The following NSUN2 variants were observed in gnomAD, a reference collection of about 807,000 sequenced individuals.
The protein encoded by NSUN2 is NOP2/Sun RNA methyltransferase 2.
Under a neutral mutation model 92.7 loss-of-function variants are expected in NSUN2, and 63 were observed. That is an observed-to-expected ratio of 0.68 (90% confidence interval 0.56 to 0.84). The LOEUF (loss-of-function observed/expected upper bound fraction) is 0.84. NSUN2 is among the 40% of genes least tolerant of loss of function. The pLI is 0.00. For missense variants in NSUN2, 989 were observed against 964.9 expected (o/e 1.02, Z -0.33); for synonymous variants, 356 against 348.3 (o/e 1.02, Z -0.25).
chr5:6,606,934 G>C (rs750468785), intron 13 of NSUN2, 22 bp from the exon 14 acceptor site: 2 of 1,385,646 alleles, frequency 1.4e-6, no homozygotes, highest in Non-Finnish European at 2.0e-6. Context: ...ATCAGGATGA[G>C]ACAAATCAAT....
chr5:6,599,523 T>G lies in NSUN2; in HGVS notation c.*403A>C, dbSNP rs1736455201. ...GCTTATAACACACTTCCCCAAGAAT[T>G]TATAGATTCTTTCTATAAATAATAA... is the stretch of plus-strand genomic sequence containing the variant. On this transcript the variant is annotated 3_prime_UTR_variant, in exon 19 of 19. Coordinates refer to ENST00000264670, the MANE Select transcript of NSUN2 (RefSeq NM_017755.6). The G allele has an allele frequency of 6.2e-6, 1 of 160,566 alleles. No individual in the cohort carries two copies. Among genetic ancestry groups the G allele is most frequent in the African/African-American group, 2.4e-5 (1 of 41,570 alleles). 9.9% of individuals were successfully genotyped at this position (160,566 alleles called of 1,614,324 possible). A position where few individuals can be genotyped will look rare whatever the true frequency, so the allele number is the denominator to read the frequency against.
chr5:6,604,250 A>T lies in NSUN2; in HGVS notation c.1845T>A (p.Ile615=), dbSNP rs1251137807. ...QEGIYTLYPF[I]NSRIITVSME... is the part of the protein sequence containing the mutation. The stretch of plus-strand genomic sequence containing the variant: ...TTGATACAGTAATAATTCTTGAGTT[A>T]ATAAATGGATACAATGTATATATTC... The change falls in exon 17 of 19, where the codon ATT becomes ATA. Residue 615 remains isoleucine (I), a synonymous_variant. Transcript: ENST00000264670. 1.0e-5 allele frequency: 16 copies of T among 1,599,360 alleles called. No individual in the cohort carries two copies. The highest frequency in any genetic ancestry group is 1.7e-5 in the Admixed American group (1 of 59,862).
intron 14 of NSUN2, among the ~76,000 whole-genome samples, chr5:6,606,581 G>C (rs1324359759): frequency 6.6e-6 from 1 of 151,742 alleles, no homozygotes; most frequent in African/African-American, 2.4e-5. Flanking sequence ...CACCGCGCCC[G>C]GTCCAGTTTT....
At chr5:6,620,342 TG>T (rs1737386487) in intron 6 of NSUN2, 44 bp from the exon 7 acceptor site, 2 of 1,454,564 alleles carry the variant, frequency 1.4e-6, no homozygotes, top group Non-Finnish European at 1.8e-6. Flanking sequence ...GGAGCCTAAG[TG>T]GAATCACATC....
chr5:6,627,629 T>C (rs1399678160), intron 3 of NSUN2, among the ~76,000 whole-genome samples: 1 of 152,222 alleles, frequency 6.6e-6, no homozygotes, highest in Non-Finnish European at 1.5e-5. Context: ...GTTGATCTCA[T>C]GTAAAGAAAC....
chr5:6,620,950 G>C (rs1579373148), intron 6 of NSUN2: 1 of 152,208 alleles, frequency 6.6e-6, no homozygotes, highest in South Asian at 2.1e-4. Context: ...CTGCCAATGT[G>C]GAGAAAACAA....
chr5:6,630,951 G>A (rs922358172), intron 3 of NSUN2, among the ~76,000 whole-genome samples: 2 of 152,058 alleles, frequency 1.3e-5, no homozygotes, highest in African/African-American at 2.4e-5. Context: ...AAAATTGGCC[G>A]GGCGTGGTGG....
intron 18 of NSUN2, among the ~76,000 whole-genome samples, chr5:6,602,199 C>T (rs188032526): frequency 1.3e-5 from 2 of 152,064 alleles, no homozygotes; most frequent in Admixed American, 6.5e-5. Flanking sequence ...GTTTCTAATG[C>T]TTAAAAAATA....
chr5:6,632,306 T>C (rs1261136938), intron 2 of NSUN2, among the ~76,000 whole-genome samples: 1 of 152,162 alleles, frequency 6.6e-6, no homozygotes, highest in Non-Finnish European at 1.5e-5. Flanking sequence ...GCATTCTCTA[T>C]AAATTCTCTT....
rs576553163 is a variant in NSUN2, at chr5:6,608,460, A to C, written c.1324-1076T>G. On this transcript the variant is annotated intron_variant, in intron 12 of 18. Coordinates refer to ENST00000264670, the MANE Select transcript of NSUN2 (RefSeq NM_017755.6). ...CCATGGAGACTCTACCTGCGTTCCC[A>C]GTAGGACCAACAGCAGCACAGGCCA... Among the ~76,000 whole-genome samples, 15 of 152,376 alleles carry C rather than the reference A, an allele frequency of 9.8e-5. No individual in the cohort carries two copies. In the South Asian group the frequency reaches 2.9e-3, roughly 29 times the overall value.
At chr5:6,622,262 C>T (rs1737477423) in intron 5 of NSUN2, among the ~76,000 whole-genome samples, 162 bp from the exon 6 acceptor site, 1 of 152,194 alleles carries the variant, frequency 6.6e-6, no homozygotes, top group Admixed American at 6.5e-5. Flanking sequence ...TTCTACACTG[C>T]CCCAAAATCA....
intron 3 of NSUN2, among the ~76,000 whole-genome samples, chr5:6,630,080 G>C (rs911760785): frequency 1.3e-5 from 2 of 152,078 alleles, no homozygotes; most frequent in Non-Finnish European, 2.9e-5. Flanking sequence ...CAAACCAAAC[G>C]ACTTGAGCAA....
chr5:6,610,186 C>T (rs1321815817), intron 11 of NSUN2, among the ~76,000 whole-genome samples: 1 of 152,096 alleles, frequency 6.6e-6, no homozygotes, highest in African/African-American at 2.4e-5. Flanking sequence ...GCCTCAGCCT[C>T]CCAAGGAGCT....
intron 2 of NSUN2, 64 bp from the exon 3 acceptor site, chr5:6,632,041 T>C: frequency 1.2e-5 from 15 of 1,289,628 alleles, no homozygotes; most frequent in Non-Finnish European, 1.6e-5. Flanking sequence ...TGTATCTTCT[T>C]AAATTTAAGA....
chr5:6,613,968 A>G (rs891037704), intron 9 of NSUN2, among the ~76,000 whole-genome samples: 1 of 151,898 alleles, frequency 6.6e-6, no homozygotes. Flanking sequence ...GTGGTGGCAC[A>G]TGCCTGTAGT....
chr5:6,615,019 G>A (rs1485393605), intron 9 of NSUN2, among the ~76,000 whole-genome samples: 1 of 152,076 alleles, frequency 6.6e-6, no homozygotes, highest in African/African-American at 2.4e-5. Flanking sequence ...ACTTAGGAGA[G>A]TAGCAAATGC....
intron 18 of NSUN2, 32 bp downstream of exon 18, chr5:6,602,429 T>C (rs760689731): frequency 7.5e-6 from 12 of 1,606,202 alleles, no homozygotes; most frequent in Non-Finnish European, 9.4e-6. Context: ...ACAAGGCGTG[T>C]GTGTCTAAGG....
In NSUN2 at chr5:6,625,867, C is replaced by T. The variant is rs951672096; in HGVS notation, c.360-198G>A. On this transcript the variant is annotated intron_variant, in intron 3 of 18. Transcript: ENST00000264670. ...TTAAGGAACATGGCTCTAGCTACAC[C>T]GTGGCCCAATCAGAAACAGGAGAGC... 8.5e-5 allele frequency among the ~76,000 whole-genome samples: 13 copies of T among 152,074 alleles called. No homozygotes were observed. Among genetic ancestry groups the T allele is most frequent in the Admixed American group, 2.6e-4 (4 of 15,260 alleles).
intron 9 of NSUN2, among the ~76,000 whole-genome samples, chr5:6,614,211 AAAACCAGCAGTAACATTCT>A (rs1248725039): frequency 6.6e-6 from 1 of 151,946 alleles, no homozygotes; most frequent in African/African-American, 2.4e-5. Flanking sequence ...GTTCACTCAG[AAAACCAGCAGTAACATTCT>A]AAATACAAGA....
Sources: allele counts gnomAD v4.1 joint callset (sites outside exome capture counted in the v4.1 genomes callset), GRCh38; gene constraint gnomAD v4.1.1; transcripts MANE v1.5; gene names NCBI Gene and HGNC (gene_info 2026-07-23, HGNC 2026-07-21).